The following ATP8A2 variants were observed in gnomAD, a reference collection of about 807,000 sequenced individuals.
ATP8A2 encodes phospholipid-transporting ATPase IB.
A neutral mutation model predicts 165.6 loss-of-function variants in ATP8A2; 100 were observed. The observed-to-expected ratio is 0.60, with a 90% CI of 0.51 to 0.71. The LOEUF is 0.71. Among genes scored for constraint, ATP8A2 ranks in the 30% least tolerant of loss-of-function variants. ATP8A2 has a pLI of 0.00. For missense variants in ATP8A2, 1,227 were observed against 1,479.5 expected, an observed-to-expected ratio of 0.83 and a Z score of 2.80; for synonymous variants, 543 against 548.8, an observed-to-expected ratio of 0.99 and a Z score of 0.15.
chr13:25,748,748 C>T (rs927244582), intron 25 of ATP8A2, among the ~76,000 whole-genome samples: 10 of 152,272 alleles, frequency 6.6e-5, no homozygotes, highest in East Asian at 1.9e-4. Flanking sequence ...AGCGTTGCTG[C>T]GGCCACTTTG....
At chr13:25,838,993 T>C (rs1410769647) in intron 29 of ATP8A2, among the ~76,000 whole-genome samples, 1 of 152,222 alleles carries the variant, frequency 6.6e-6, no homozygotes, top group African/African-American at 2.4e-5. Flanking sequence ...ATATGCATGT[T>C]ATCTAAAATC....
intron 33 of ATP8A2, among the ~76,000 whole-genome samples, chr13:25,876,047 T>C (rs968514555): frequency 7.9e-5 from 12 of 152,200 alleles, no homozygotes; most frequent in Non-Finnish European, 1.3e-4. Flanking sequence ...GTCATAAATA[T>C]AAGCGTGTAG....
chr13:25,657,348 A>T (rs1323668180), intron 24 of ATP8A2, among the ~76,000 whole-genome samples: 1 of 152,128 alleles, frequency 6.6e-6, no homozygotes, highest in Non-Finnish European at 1.5e-5. Flanking sequence ...CCTGTCTCAG[A>T]TACTGACTCT....
At chr13:25,915,551 A>G (rs1954247385) in intron 33 of ATP8A2, among the ~76,000 whole-genome samples, 2 of 152,184 alleles carry the variant, frequency 1.3e-5, no homozygotes, top group Non-Finnish European at 2.9e-5. Flanking sequence ...AACATGGCCA[A>G]TTTTGGAAAC....
intron 26 of ATP8A2, among the ~76,000 whole-genome samples, chr13:25,769,708 G>A (rs767756848): frequency 5.9e-5 from 9 of 152,032 alleles, no homozygotes; most frequent in African/African-American, 9.7e-5. Flanking sequence ...TACAGCTGTC[G>A]CCTTCTCTGT....
At chr13:25,423,714 T>C (rs1421003964) in intron 1 of ATP8A2, among the ~76,000 whole-genome samples, 1 of 152,244 alleles carries the variant, frequency 6.6e-6, no homozygotes, top group Non-Finnish European at 1.5e-5. Context: ...GAGCATCTTT[T>C]TATAAGTTCT....
At chr13:25,678,955 T>C (rs1413041362) in intron 24 of ATP8A2, among the ~76,000 whole-genome samples, 1 of 152,172 alleles carries the variant, frequency 6.6e-6, no homozygotes, top group African/African-American at 2.4e-5. Flanking sequence ...GACAACTCAG[T>C]GAAGATGTCT....
chr13:25,700,252 C>T (rs963783460), intron 25 of ATP8A2, among the ~76,000 whole-genome samples: 14 of 152,116 alleles, frequency 9.2e-5, no homozygotes, highest in African/African-American at 3.1e-4. Flanking sequence ...CTCTTTTCCT[C>T]GAATAGCTTG....
intron 2 of ATP8A2, among the ~76,000 whole-genome samples, chr13:25,504,217 T>C (rs2036949503): frequency 6.6e-6 from 1 of 152,176 alleles, no homozygotes; most frequent in South Asian, 2.1e-4. Flanking sequence ...GTATTGTCTA[T>C]ATAAATGGTA....
At chr13:25,668,094 A>G (rs1415514016) in intron 24 of ATP8A2, among the ~76,000 whole-genome samples, 1 of 152,196 alleles carries the variant, frequency 6.6e-6, no homozygotes, top group East Asian at 1.9e-4. Flanking sequence ...TACGTAAATA[A>G]TGAATTTTAT....
intron 15 of ATP8A2, among the ~76,000 whole-genome samples, chr13:25,560,839 A>C (rs2039125111): frequency 6.6e-6 from 1 of 150,460 alleles, no homozygotes; most frequent in African/African-American, 2.5e-5. Flanking sequence ...GTACCTCCTT[A>C]GGCATATGCC....
rs78617205 is a variant in ATP8A2, at chr13:25,428,342, G to A, written c.77-40635G>A. Reference sequence around the variant, plus strand: ...CACTTGGTGCCACCATTACCACACCGACCACTACTTCTTGGTGTTAACTTG... The same window carrying A: ...CACTTGGTGCCACCATTACCACACCAACCACTACTTCTTGGTGTTAACTTG... On this transcript the variant is annotated intron_variant, in intron 1 of 36. Coordinates refer to ENST00000381655, the MANE Select transcript of ATP8A2 (RefSeq NM_016529.6). Among the ~76,000 whole-genome samples, 835 of 152,234 alleles carry A rather than the reference G, an allele frequency of 5.5e-3. 8 individuals carry two copies. The highest frequency in any genetic ancestry group is 0.017 in the African/African-American group (712 of 41,532).
chr13:26,003,249 A>G (rs1050573875), intron 35 of ATP8A2, among the ~76,000 whole-genome samples: 1 of 149,184 alleles, frequency 6.7e-6, no homozygotes, highest in African/African-American at 2.5e-5. Flanking sequence ...GTAATATCTC[A>G]TTGTGATTTT....
intron 26 of ATP8A2, among the ~76,000 whole-genome samples, chr13:25,769,441 C>T (rs2044570666): frequency 6.6e-6 from 1 of 152,124 alleles, no homozygotes; most frequent in South Asian, 2.1e-4. Context: ...TTTCTCTGGC[C>T]AGCTATGGGG....
At chr13:25,620,403 A>T (rs890095128) in intron 24 of ATP8A2, among the ~76,000 whole-genome samples, 6 of 152,200 alleles carry the variant, frequency 3.9e-5, no homozygotes, top group Admixed American at 1.3e-4. Flanking sequence ...CAAAACACTC[A>T]CAAAAGTTAA....
chr13:25,695,721 C>T (rs1009134601), intron 24 of ATP8A2, among the ~76,000 whole-genome samples: 1 of 152,216 alleles, frequency 6.6e-6, no homozygotes, highest in Non-Finnish European at 1.5e-5. Context: ...AGCACATTGT[C>T]ACATCTTCAG....
chr13:25,461,616 A>G (rs1043831496), intron 1 of ATP8A2, among the ~76,000 whole-genome samples: 1 of 152,228 alleles, frequency 6.6e-6, no homozygotes, highest in African/African-American at 2.4e-5. Context: ...TAGAAAAAAG[A>G]CATAACCAAC....
intron 24 of ATP8A2, among the ~76,000 whole-genome samples, chr13:25,646,930 C>T (rs1209096414): frequency 1.3e-5 from 2 of 152,064 alleles, no homozygotes; most frequent in African/African-American, 2.4e-5. Context: ...CTATAAGGTT[C>T]ACATGGAGCA....
chr13:25,497,425 T>G (rs1367390549), intron 2 of ATP8A2, among the ~76,000 whole-genome samples: 1 of 152,208 alleles, frequency 6.6e-6, no homozygotes, highest in Non-Finnish European at 1.5e-5. Context: ...GAATGAAAAT[T>G]GAGTTTGCAC....
Sources: gnomAD v4.1 joint callset for allele counts (sites outside exome capture counted in the v4.1 genomes callset) on GRCh38, gnomAD v4.1.1 for gene constraint, MANE v1.5 for transcripts, NCBI Gene and HGNC (gene_info 2026-07-23, HGNC 2026-07-21) for gene names.